The following IFT81 variants were observed in gnomAD, a reference collection of about 807,000 sequenced individuals.
The protein encoded by IFT81 is intraflagellar transport protein 81 homolog.
In IFT81, 72 loss-of-function variants were observed where a neutral mutation model predicts 102.6. The observed-to-expected ratio is 0.70, with a 90% confidence interval of 0.58 to 0.85. The LOEUF is 0.85. Among genes scored for constraint, IFT81 ranks in the 40% least tolerant of loss-of-function variants. IFT81 has a pLI of 0.00. For synonymous variants in IFT81, 237 were observed against 242.7 expected (o/e 0.98, Z 0.22); for missense variants, 723 against 787.3 (o/e 0.92, Z 0.98).
intron 4 of IFT81, 66 bp downstream of exon 4, chr12:110,129,196 T>G (rs978429179): frequency 8.4e-7 from 1 of 1,193,862 alleles, no homozygotes; most frequent in African/African-American, 1.6e-5. Context: ...TTCAAATACA[T>G]GTTACTCTTT....
chr12:110,154,640 A>G (rs1342950910), intron 10 of IFT81, among the ~76,000 whole-genome samples: 1 of 151,854 alleles, frequency 6.6e-6, no homozygotes, highest in Non-Finnish European at 1.5e-5. Context: ...AAAAAAAAAA[A>G]AAAAGAAAAA....
Position 110,218,550 on chromosome 12 carries a change from C to A in IFT81, c.*324C>A, listed in dbSNP as rs1233642427. 1.1e-5 allele frequency: 2 copies of A among 177,918 alleles called. No individual in the cohort carries two copies. Among genetic ancestry groups the A allele is most frequent in the Non-Finnish European group, 2.3e-5 (2 of 85,752 alleles). 11.0% of individuals were successfully genotyped at this position (177,918 alleles called of 1,614,324 possible). On this transcript the variant is annotated 3_prime_UTR_variant, in exon 19 of 19. Coordinates refer to ENST00000242591, the MANE Select transcript of IFT81 (RefSeq NM_014055.4). ...TAGTTTTTTTTTAGAATGTAATAACCCAGTGGCTTACTGTTTTTCTTAATC... is the reference window on the plus strand; with the variant it reads ...TAGTTTTTTTTTAGAATGTAATAACACAGTGGCTTACTGTTTTTCTTAATC...
chr12:110,179,444 A>C (rs1184347025), intron 11 of IFT81, among the ~76,000 whole-genome samples: 1 of 151,868 alleles, frequency 6.6e-6, no homozygotes, highest in Non-Finnish European at 1.5e-5. Context: ...TTTTAAGGCC[A>C]GGCACGGTGA....
intron 11 of IFT81, among the ~76,000 whole-genome samples, chr12:110,178,030 G>A (rs927615723): frequency 5.3e-5 from 8 of 151,994 alleles, no homozygotes; most frequent in Non-Finnish European, 1.0e-4. Context: ...TGGAGGCAGA[G>A]GCTGCAGTGA....
intron 8 of IFT81, among the ~76,000 whole-genome samples, chr12:110,139,842 TA>T (rs989004787): frequency 8.3e-6 from 1 of 119,928 alleles, no homozygotes; most frequent in Non-Finnish European, 1.7e-5. Flanking sequence ...TAAAATAAAA[TA>T]AAATAAATAA....
chr12:110,174,003 C>T (rs1896915296), intron 11 of IFT81, among the ~76,000 whole-genome samples: 1 of 151,706 alleles, frequency 6.6e-6, no homozygotes, highest in East Asian at 1.9e-4. Context: ...TTAGGCCGGG[C>T]ACGGTGGCTC....
At chr12:110,194,428 C>A (rs1048568706) in intron 14 of IFT81, among the ~76,000 whole-genome samples, 4 of 151,436 alleles carry the variant, frequency 2.6e-5, no homozygotes, top group African/African-American at 9.7e-5. Context: ...CTGAAATATT[C>A]ATTTTTTTTT....
intron 11 of IFT81, among the ~76,000 whole-genome samples, chr12:110,164,325 A>T (rs1294181782): frequency 6.6e-6 from 1 of 152,178 alleles, no homozygotes; most frequent in East Asian, 1.9e-4. Context: ...TCCTCTTTTC[A>T]TAAAATTAGC....
Position 110,125,779 on chromosome 12 carries a change from G to A in IFT81, c.-22+918G>A, listed in dbSNP as rs554530132. 2.0e-5 allele frequency among the ~76,000 whole-genome samples: 3 copies of A among 152,304 alleles called. No homozygotes were observed. In the East Asian group the frequency reaches 5.8e-4, roughly 29 times the overall value. On this transcript the variant is annotated intron_variant, in intron 1 of 18. Coordinates refer to ENST00000242591, the MANE Select transcript of IFT81 (RefSeq NM_014055.4). ...CAGCAGTTAATAAATCAGATATTCAGTTTTTTAAAAAGTTATGATCTTTCT... is the reference window on the plus strand; with the variant it reads ...CAGCAGTTAATAAATCAGATATTCAATTTTTTAAAAAGTTATGATCTTTCT...
chr12:110,196,424 G>A (rs906952052), intron 14 of IFT81, among the ~76,000 whole-genome samples: 2 of 152,240 alleles, frequency 1.3e-5, no homozygotes. Flanking sequence ...GGAGGCTGAG[G>A]TGGCAGAATC....
At chr12:110,172,733 G>A (rs948733183) in intron 11 of IFT81, among the ~76,000 whole-genome samples, 20 of 152,228 alleles carry the variant, frequency 1.3e-4, no homozygotes, top group African/African-American at 4.6e-4. Context: ...ATCTCGTGTC[G>A]CTACAACCTC....
At chr12:110,177,866 G>A (rs1473864471) in intron 11 of IFT81, among the ~76,000 whole-genome samples, 1 of 152,088 alleles carries the variant, frequency 6.6e-6, no homozygotes, top group African/African-American at 2.4e-5. Flanking sequence ...AGGCCAAGGT[G>A]GGCGGATCAC....
At position 110,143,380 on chromosome 12, in the gene IFT81, A is replaced by C. The variant is rs751150566; in HGVS notation, c.782-2A>C. 1 of 1,285,166 alleles carries C rather than the reference A, an allele frequency of 7.8e-7. No individual in the cohort carries two copies. Among genetic ancestry groups the C allele is most frequent in the Admixed American group, 3.3e-5 (1 of 30,400 alleles). The allele number at this position is 1,285,166 out of a possible 1,614,324, so 79.6% of individuals were successfully genotyped here. A position where few individuals can be genotyped will look rare whatever the true frequency, so the allele number is the denominator to read the frequency against. Reference sequence around the variant, plus strand: ...GAATATTTATTTATTTTATTTTTAAAGGTTTAATGAAGAGGCTAGAGGAGG... The same window carrying C: ...GAATATTTATTTATTTTATTTTTAACGGTTTAATGAAGAGGCTAGAGGAGG... On this transcript the variant is annotated splice_acceptor_variant, in intron 8 of 18. Transcript: ENST00000242591. LOFTEE classifies it high-confidence loss of function.
chr12:110,147,158 T>C, intron 10 of IFT81, 110 bp downstream of exon 10: 1 of 760,404 alleles, frequency 1.3e-6, no homozygotes, highest in South Asian at 2.7e-5. Context: ...ATAAATGTTG[T>C]TCTGTCACTG....
chr12:110,191,985 A>G (rs770958342), intron 13 of IFT81, among the ~76,000 whole-genome samples: 2 of 152,138 alleles, frequency 1.3e-5, no homozygotes, highest in Non-Finnish European at 2.9e-5. Context: ...AGCCTGGCCA[A>G]CATGGTGAAA....
At chr12:110,133,315 A>G (rs1894286284) in intron 5 of IFT81, among the ~76,000 whole-genome samples, 1 of 152,044 alleles carries the variant, frequency 6.6e-6, no homozygotes, top group Non-Finnish European at 1.5e-5. Context: ...TTTTCTACAA[A>G]GCATATGTTC....
chr12:110,142,192 C>G (rs1400696406), intron 8 of IFT81, among the ~76,000 whole-genome samples: 1 of 151,978 alleles, frequency 6.6e-6, no homozygotes, highest in Non-Finnish European at 1.5e-5. Flanking sequence ...GACAGAGTCT[C>G]CCTCTATCCC....
intron 18 of IFT81, among the ~76,000 whole-genome samples, chr12:110,215,524 T>G (rs12814584): frequency 0.043 from 5,969 of 138,824 alleles, 175 homozygotes; most frequent in Middle Eastern, 0.086. Context: ...TGTAATGGCA[T>G]GGTCACAGCT....
At chr12:110,142,217 A>C (rs1894932842) in intron 8 of IFT81, among the ~76,000 whole-genome samples, 1 of 152,058 alleles carries the variant, frequency 6.6e-6, no homozygotes, top group Admixed American at 6.6e-5. Context: ...GCTGGAGTGC[A>C]GTGATGGTGA....
Sources: gnomAD v4.1 joint callset for allele counts (sites outside exome capture counted in the v4.1 genomes callset) on GRCh38, gnomAD v4.1.1 for gene constraint, MANE v1.5 for transcripts, NCBI Gene and HGNC (gene_info 2026-07-23, HGNC 2026-07-21) for gene names.